ARHGEF3: variants seen among roughly 807,000 people sequenced by gnomAD.
The protein encoded by ARHGEF3 is 59.8 kDA protein.
A neutral mutation model predicts 63.2 loss-of-function variants in ARHGEF3; 28 were observed. The observed-to-expected ratio is 0.44, with a 90% CI of 0.33 to 0.61. The LOEUF is 0.61. Ranked by LOEUF, ARHGEF3 falls within the 20% of genes least tolerant of loss-of-function variation. The probability of loss-of-function intolerance (pLI) is 0.03; values close to 1 mark genes in which losing one functional copy is unlikely to be tolerated. For missense variants in ARHGEF3, 533 were observed against 659.3 expected (o/e 0.81, Z 2.10); for synonymous variants, 266 against 254.2 (o/e 1.05, Z -0.44).
intron 1 of ARHGEF3, among the ~76,000 whole-genome samples, chr3:56,796,626 C>A (rs570802332): frequency 3.3e-5 from 5 of 152,294 alleles, no homozygotes; most frequent in African/African-American, 4.8e-5. Flanking sequence ...AAAAAATGGG[C>A]CTTTGAGCAT....
chr3:57,004,976 AT>A (rs1702413601), intron 2 of ARHGEF3, among the ~76,000 whole-genome samples: 1 of 151,024 alleles, frequency 6.6e-6, no homozygotes. Flanking sequence ...AAATAAATAT[AT>A]ATATATATAT....
intron 3 of ARHGEF3, among the ~76,000 whole-genome samples, chr3:56,894,942 G>C (rs564284966): frequency 1.8e-4 from 27 of 152,230 alleles, no homozygotes; most frequent in Non-Finnish European, 4.4e-5. Flanking sequence ...TTAGCCCAAA[G>C]TACTTTCCCC....
intron 1 of ARHGEF3, among the ~76,000 whole-genome samples, chr3:56,795,042 T>TTG: frequency 6.6e-6 from 1 of 151,504 alleles, no homozygotes; most frequent in South Asian, 2.1e-4. Context: ...GATTTTTTTT[T>TTG]TTTTTAGAGA....
chr3:56,756,100 G>A (rs573717973), intron 2 of ARHGEF3, among the ~76,000 whole-genome samples: 3 of 152,322 alleles, frequency 2.0e-5, no homozygotes, highest in East Asian at 1.9e-4. Context: ...TTCCCAAAGA[G>A]GCCGCAGAAG....
intron 3 of ARHGEF3, among the ~76,000 whole-genome samples, chr3:56,938,232 A>C (rs1698999328): frequency 6.6e-6 from 1 of 152,152 alleles, no homozygotes; most frequent in South Asian, 2.1e-4. Flanking sequence ...AGAGAGCCTG[A>C]GTGGAGACTG....
chr3:56,756,779 G>A (rs2035096050), intron 2 of ARHGEF3, among the ~76,000 whole-genome samples: 1 of 152,032 alleles, frequency 6.6e-6, no homozygotes, highest in Non-Finnish European at 1.5e-5. Flanking sequence ...TCGATTTCCT[G>A]ACCTCGTGAT....
intron 3 of ARHGEF3, among the ~76,000 whole-genome samples, chr3:56,898,941 C>T (rs2041409405): frequency 6.6e-6 from 1 of 152,186 alleles, no homozygotes; most frequent in Non-Finnish European, 1.5e-5. Flanking sequence ...GTAGTCCCAG[C>T]TACTCGGGAG....
At chr3:56,923,920 C>A (rs1331840096) in intron 3 of ARHGEF3, among the ~76,000 whole-genome samples, 1 of 152,216 alleles carries the variant, frequency 6.6e-6, no homozygotes, top group Non-Finnish European at 1.5e-5. Flanking sequence ...GGTAACTGGT[C>A]CTGGTTGGAA....
chr3:57,048,636 C>T (rs2107293583), intron 1 of ARHGEF3, among the ~76,000 whole-genome samples: 1 of 152,292 alleles, frequency 6.6e-6, no homozygotes, highest in Non-Finnish European at 1.5e-5. Context: ...CGCCCCCCTC[C>T]TCCTTAAGGC....
chr3:57,071,308 A>G (rs1705888723), intron 1 of ARHGEF3, among the ~76,000 whole-genome samples: 1 of 152,162 alleles, frequency 6.6e-6, no homozygotes, highest in Non-Finnish European at 1.5e-5. Context: ...ACAAACATCA[A>G]ATCAAAACAG....
At chr3:56,996,747 C>T (rs1702002245) in intron 2 of ARHGEF3, among the ~76,000 whole-genome samples, 1 of 152,080 alleles carries the variant, frequency 6.6e-6, no homozygotes, top group Non-Finnish European at 1.5e-5. Context: ...GAATAAAATC[C>T]AAGATAAAAA....
At chr3:56,928,141 A>T (rs2042322726) in intron 3 of ARHGEF3, among the ~76,000 whole-genome samples, 1 of 152,088 alleles carries the variant, frequency 6.6e-6, no homozygotes, top group Non-Finnish European at 1.5e-5. Flanking sequence ...ACCCTTTAAG[A>T]AGGGCACGTG....
At chr3:57,013,955 A>G (rs1702827628) in intron 2 of ARHGEF3, among the ~76,000 whole-genome samples, 1 of 152,212 alleles carries the variant, frequency 6.6e-6, no homozygotes, top group South Asian at 2.1e-4. Context: ...ACTCTGGGGA[A>G]GTTTTGTTCC....
At chr3:56,995,915 T>C (rs925898321) in intron 2 of ARHGEF3, among the ~76,000 whole-genome samples, 1 of 152,148 alleles carries the variant, frequency 6.6e-6, no homozygotes, top group Non-Finnish European at 1.5e-5. Flanking sequence ...AACATATTAA[T>C]TCCCATCAAC....
At chr3:57,072,726 CAAA>C (rs11332171) in intron 1 of ARHGEF3, among the ~76,000 whole-genome samples, 19 of 112,154 alleles carry the variant, frequency 1.7e-4, no homozygotes, top group Non-Finnish European at 2.5e-4. Context: ...GAGACTCTGT[CAAA>C]AAAAAAAAAA....
intron 2 of ARHGEF3, among the ~76,000 whole-genome samples, chr3:56,989,515 G>C: frequency 6.6e-6 from 1 of 152,216 alleles, no homozygotes; most frequent in Middle Eastern, 3.2e-3. Flanking sequence ...AACCCCAGCA[G>C]GTCTGTGCCC....
At chr3:56,891,735 T>A (rs541483622) in intron 3 of ARHGEF3, among the ~76,000 whole-genome samples, 27 of 152,202 alleles carry the variant, frequency 1.8e-4, no homozygotes, top group African/African-American at 6.3e-4. Flanking sequence ...TCAGTGTGGG[T>A]AAAGAGCTTA....
intron 4 of ARHGEF3, among the ~76,000 whole-genome samples, chr3:56,871,669 T>C (rs751199500): frequency 1.3e-5 from 2 of 152,196 alleles, no homozygotes; most frequent in African/African-American, 2.4e-5. Context: ...ATTATTCTTA[T>C]ATTTTTTGCA....
At chr3:56,740,056 C>T (rs370759375) in intron 7 of ARHGEF3, among the ~76,000 whole-genome samples, 4 of 151,966 alleles carry the variant, frequency 2.6e-5, no homozygotes, top group Non-Finnish European at 2.9e-5. Context: ...CCTGCCACCA[C>T]GCCCAGCTAA....
Sources: allele counts gnomAD v4.1 joint callset (sites outside exome capture counted in the v4.1 genomes callset), GRCh38; gene constraint gnomAD v4.1.1; transcripts MANE v1.5; gene names NCBI Gene and HGNC (gene_info 2026-07-23, HGNC 2026-07-21).